Variants in CDK9 observed in about 807,000 individuals in gnomAD.
CDK9 encodes the protein cyclin dependent kinase 9, also known as cyclin-dependent kinase 9.
CDK9 carries 34 observed loss-of-function variants against 39.0 expected under a neutral mutation model. The ratio of observed to expected loss-of-function variants is 0.87; its 90% confidence interval spans 0.66 to 1.16. The LOEUF (loss-of-function observed/expected upper bound fraction) is 1.16. Among genes scored for constraint, CDK9 ranks in the 50% most tolerant of loss-of-function variants. CDK9 has a pLI of 0.00. For synonymous variants in CDK9, 233 were observed against 196.2 expected (o/e 1.19, Z -1.57); for missense variants, 369 against 503.2 (o/e 0.73, Z 2.55).
At chr9:127,788,179 T>G (rs755776114) in intron 4 of CDK9, 35 bp from the exon 5 acceptor site, 1 of 1,613,390 alleles carries the variant, frequency 6.2e-7, no homozygotes, top group Non-Finnish European at 8.5e-7. Context: ...CCCGGGTGGA[T>G]GTCACTAAAG....
Position 127,786,066 on chromosome 9 carries a change from C to T in CDK9, c.-83C>T, listed in dbSNP as rs1307281705. The stretch of plus-strand genomic sequence containing the variant: ...CGGAAGTGGCGCGGCCGCGGAGGGG[C>T]CTGGAGTGCGGCGGCGGCGGGACCC... On this transcript the variant is annotated 5_prime_UTR_variant, in exon 1 of 7. Coordinates refer to ENST00000373264, the MANE Select transcript of CDK9 (RefSeq NM_001261.4). 2 of 1,009,308 alleles carry T rather than the reference C, an allele frequency of 2.0e-6. No homozygotes were observed. The highest frequency in any genetic ancestry group is 2.9e-6 in the Non-Finnish European group (2 of 695,694). The allele number at this position is 1,009,308 out of a possible 1,614,324, so 62.5% of individuals were successfully genotyped here. A position where few individuals can be genotyped will look rare whatever the true frequency, so the allele number is the denominator to read the frequency against.
rs1554803504 is a variant in CDK9 at position 127,788,425 on chromosome 9, G to T, written c.604+40G>T. 3.8e-6 allele frequency: 6 copies of T among 1,586,404 alleles called. No homozygotes were observed. In the Admixed American group the frequency reaches 8.9e-5, roughly 24 times the overall value. On this transcript the variant is annotated intron_variant, in intron 5 of 6. Transcript: ENST00000373264. The stretch of plus-strand genomic sequence containing the variant: ...GCGGGCCAAGGGGGGTGAGGGCCAG[G>T]CATCTACCTGGCCCCTTCCCCCCAA...
At position 127,788,429 on chromosome 9, in the gene CDK9, C is replaced by CT. The variant is rs1564433188; in HGVS notation, c.604+45dup. On this transcript the variant is annotated intron_variant, in intron 5 of 6. Coordinates refer to ENST00000373264, the MANE Select transcript of CDK9 (RefSeq NM_001261.4). ...GCCAAGGGGGGTGAGGGCCAGGCAT[C>CT]TACCTGGCCCCTTCCCCCCAACTGC... is the stretch of plus-strand genomic sequence containing the variant. The CT allele has an allele frequency of 3.8e-6, 6 of 1,574,246 alleles. No homozygotes were observed. In the South Asian group the frequency reaches 6.8e-5, roughly 18 times the overall value.
Position 127,788,565 on chromosome 9 carries a change from C to A in CDK9, c.626C>A (p.Pro209His). The A allele has an allele frequency of 6.4e-7, 1 of 1,574,536 alleles. No homozygotes were observed. Among genetic ancestry groups the A allele is most frequent in the Non-Finnish European group, 8.6e-7 (1 of 1,160,426 alleles). The change falls in exon 6 of 7, where the codon CCC (proline) becomes CAC (histidine). Residue 209 changes from proline to histidine, a missense_variant. Pro to His is a moderately conservative substitution (Grantham distance 77, BLOSUM62 -2). Transcript: ENST00000373264. ...CCAGGGGAGCGGGACTACGGCCCCC[C>A]CATTGACCTGTGGGGTGCTGGGTGC... ...LLLGERDYGP[P>H]IDLWGAGCIM...
At chr9:127,787,684 C>T (rs746979746) in intron 3 of CDK9, 76 bp downstream of exon 3, 59 of 1,098,010 alleles carry the variant, frequency 5.4e-5, no homozygotes, top group Non-Finnish European at 7.4e-5. Flanking sequence ...ACTAGGCACA[C>T]CTAAACTGCC....
At position 127,788,529 on chromosome 9, in the gene CDK9, C is replaced by A; in HGVS notation, c.605-15C>A. On this transcript the variant is annotated splice_polypyrimidine_tract_variant and intron_variant, in intron 5 of 6. Transcript: ENST00000373264. ...TCGGGCTCAAGGGGCCCTCCTGGTGCGCTCTTCTTCCCAGGGGAGCGGGAC... is the reference window on the plus strand; with the variant it reads ...TCGGGCTCAAGGGGCCCTCCTGGTGAGCTCTTCTTCCCAGGGGAGCGGGAC... 6.4e-7 allele frequency: 1 copy of A among 1,550,458 alleles called. No individual in the cohort carries two copies. Among genetic ancestry groups the A allele is most frequent in the South Asian group, 1.2e-5 (1 of 83,960 alleles).
At position 127,789,031 on chromosome 9, in the gene CDK9, C is replaced by A; in HGVS notation, c.754-147C>A. On this transcript the variant is annotated intron_variant, in intron 6 of 6. Transcript: ENST00000373264. This position sits in a 1 kb window ranked among gnomAD's most constrained non-coding sequence, Gnocchi z 5.2. ...GCACGTGGTATGTGCCAATCCATAGCGGGCACTGCTTCTGGGAGGGGTCGA... is the reference window on the plus strand; with the variant it reads ...GCACGTGGTATGTGCCAATCCATAGAGGGCACTGCTTCTGGGAGGGGTCGA... 2 of 1,029,748 alleles carry A rather than the reference C, an allele frequency of 1.9e-6. No homozygotes were observed. Among genetic ancestry groups the A allele is most frequent in the Non-Finnish European group, 2.8e-6 (2 of 719,264 alleles). The allele number at this position is 1,029,748 out of a possible 1,614,324, so 63.8% of individuals were successfully genotyped here.
chr9:127,789,030 G>C lies in CDK9; in HGVS notation c.754-148G>C. 1 of 1,028,000 alleles carries C rather than the reference G, an allele frequency of 9.7e-7. No individual in the cohort carries two copies. Among genetic ancestry groups the C allele is most frequent in the African/African-American group, 1.6e-5 (1 of 62,162 alleles). The allele number at this position is 1,028,000 out of a possible 1,614,324, so 63.7% of individuals were successfully genotyped here. ...GGCACGTGGTATGTGCCAATCCATA[G>C]CGGGCACTGCTTCTGGGAGGGGTCG... On this transcript the variant is annotated intron_variant, in intron 6 of 6. Coordinates refer to ENST00000373264, the MANE Select transcript of CDK9 (RefSeq NM_001261.4). This position sits in a 1 kb window ranked among gnomAD's most constrained non-coding sequence, Gnocchi z 5.2.
chr9:127,790,351 G>A lies in CDK9; in HGVS notation c.*808G>A, dbSNP rs1190983473. 3 of 152,308 alleles carry A rather than the reference G, an allele frequency of 2.0e-5. No individual in the cohort carries two copies. The highest frequency in any genetic ancestry group is 4.4e-5 in the Non-Finnish European group (3 of 68,142). The allele number at this position is 152,308 out of a possible 1,614,324, so 9.4% of individuals were successfully genotyped here. A position where few individuals can be genotyped will look rare whatever the true frequency, so the allele number is the denominator to read the frequency against. The stretch of plus-strand genomic sequence containing the variant: ...GGGCCTGCTGTGAGCTGCTGTGGCT[G>A]CGATGGTCACCCAGCTGGGCAAATC... On this transcript the variant is annotated 3_prime_UTR_variant, in exon 7 of 7. Coordinates refer to ENST00000373264, the MANE Select transcript of CDK9 (RefSeq NM_001261.4).
Position 127,788,390 on chromosome 9 carries a change from G to A in CDK9, c.604+5G>A. The A allele has an allele frequency of 6.2e-7, 1 of 1,610,662 alleles. No individual in the cohort carries two copies. Among genetic ancestry groups the A allele is most frequent in the Non-Finnish European group, 8.5e-7 (1 of 1,179,232 alleles). On this transcript the variant is annotated splice_donor_5th_base_variant and intron_variant, in intron 5 of 6. Coordinates refer to ENST00000373264, the MANE Select transcript of CDK9 (RefSeq NM_001261.4). ...GGCCCCCGGAGCTGTTGCTCGGTGA[G>A]GACTCCCGAGCGGGCCAAGGGGGGT...
Position 127,786,081 on chromosome 9 carries a change from C to G in CDK9, c.-68C>G, listed in dbSNP as rs773403021. The G allele has an allele frequency of 1.6e-6, 2 of 1,230,438 alleles. No individual in the cohort carries two copies. The highest frequency in any genetic ancestry group is 1.6e-5 in the African/African-American group (1 of 62,304). The allele number at this position is 1,230,438 out of a possible 1,614,324, so 76.2% of individuals were successfully genotyped here. ...CGCGGAGGGGCCTGGAGTGCGGCGG[C>G]GGCGGGACCCGGAGCAGGAGCGGCG... On this transcript the variant is annotated 5_prime_UTR_variant, in exon 1 of 7. Coordinates refer to ENST00000373264, the MANE Select transcript of CDK9 (RefSeq NM_001261.4).
In CDK9 at chr9:127,789,031, C is replaced by T. The variant is rs1829382582; in HGVS notation, c.754-147C>T. On this transcript the variant is annotated intron_variant, in intron 6 of 6. Transcript: ENST00000373264. The surrounding 1 kb of genome is among the most constrained non-coding windows in gnomAD (Gnocchi z 5.2). ...GCACGTGGTATGTGCCAATCCATAG[C>T]GGGCACTGCTTCTGGGAGGGGTCGA... 1.5e-5 allele frequency: 15 copies of T among 1,029,634 alleles called. No homozygotes were observed. Among genetic ancestry groups the T allele is most frequent in the Admixed American group, 5.3e-5 (2 of 38,036 alleles). 63.8% of individuals were successfully genotyped at this position (1,029,634 alleles called of 1,614,324 possible). A position where few individuals can be genotyped will look rare whatever the true frequency, so the allele number is the denominator to read the frequency against.
chr9:127,789,299 T>C lies in CDK9; in HGVS notation c.875T>C (p.Ile292Thr), dbSNP rs1829387732. Residue 292 changes from isoleucine to threonine, a missense_variant, in exon 7 of 7, where the codon ATC becomes ACC. Transcript: ENST00000373264. This position sits in a 1 kb window ranked among gnomAD's most constrained non-coding sequence, Gnocchi z 5.2. ...CGTGACCCATACGCACTGGACCTCA[T>C]CGACAAGCTGCTGGTGCTGGACCCT... ...YVRDPYALDL[I>T]DKLLVLDPAQ... The C allele has an allele frequency of 1.9e-6, 3 of 1,613,820 alleles. No individual in the cohort carries two copies. In the African/African-American group the frequency reaches 4.0e-5, roughly 22 times the overall value.
intron 2 of CDK9, 25 bp downstream of exon 2, chr9:127,786,807 C>T (rs1307805819): frequency 6.2e-7 from 1 of 1,606,338 alleles, no homozygotes; most frequent in African/African-American, 1.3e-5. Context: ...GGCGTGCGGG[C>T]CGGCCGGCTA....
rs773045544 is a variant in CDK9 at position 127,787,509 on chromosome 9, C to T, written c.175-9C>T. On this transcript the variant is annotated splice_polypyrimidine_tract_variant and intron_variant, in intron 2 of 6. Transcript: ENST00000373264. Reference sequence around the variant, plus strand: ...CACTCTTGACCACTTTCCCCTCTTTCTCACCCAGTTCCCCATTACAGCCTT... The same window carrying T: ...CACTCTTGACCACTTTCCCCTCTTTTTCACCCAGTTCCCCATTACAGCCTT... 1.2e-5 allele frequency: 20 copies of T among 1,605,058 alleles called. No homozygotes were observed. The highest frequency in any genetic ancestry group is 1.6e-5 in the Non-Finnish European group (19 of 1,171,938).
chr9:127,787,624 C>T lies in CDK9; in HGVS notation c.265+16C>T. 1 of 1,573,132 alleles carries T rather than the reference C, an allele frequency of 6.4e-7. No individual in the cohort carries two copies. The highest frequency in any genetic ancestry group is 8.8e-7 in the Non-Finnish European group (1 of 1,142,668). On this transcript the variant is annotated intron_variant, in intron 3 of 6. Transcript: ENST00000373264. ...CGAACCAAAGGTAAGTTATTTGGTT[C>T]TTACGAGAAGATGACACTTGTAGCC... is the stretch of plus-strand genomic sequence containing the variant.
At position 127,789,130 on chromosome 9, in the gene CDK9, C is replaced by T. The variant is rs752912301; in HGVS notation, c.754-48C>T. 2.8e-5 allele frequency: 42 copies of T among 1,519,750 alleles called. 1 individual carries two copies. The highest frequency in any genetic ancestry group is 2.4e-4 in the South Asian group (18 of 76,476). The allele number at this position is 1,519,750 out of a possible 1,614,324, so 94.1% of individuals were successfully genotyped here. On this transcript the variant is annotated intron_variant, in intron 6 of 6. Coordinates refer to ENST00000373264, the MANE Select transcript of CDK9 (RefSeq NM_001261.4). The surrounding 1 kb of genome is among the most constrained non-coding windows in gnomAD (Gnocchi z 5.2). ...GGCCTTTATGAAGGGATAAGCCACGCACCTCCTGACCGGACTCCATATTCT... is the reference window on the plus strand; with the variant it reads ...GGCCTTTATGAAGGGATAAGCCACGTACCTCCTGACCGGACTCCATATTCT...
In CDK9 at chr9:127,786,062, G is replaced by A; in HGVS notation, c.-87G>A. 1 of 843,096 alleles carries A rather than the reference G, an allele frequency of 1.2e-6. No individual in the cohort carries two copies. Among genetic ancestry groups the A allele is most frequent in the Non-Finnish European group, 1.7e-6 (1 of 598,288 alleles). The allele number at this position is 843,096 out of a possible 1,614,324, so 52.2% of individuals were successfully genotyped here. A position where few individuals can be genotyped will look rare whatever the true frequency, so the allele number is the denominator to read the frequency against. On this transcript the variant is annotated 5_prime_UTR_variant, in exon 1 of 7. Coordinates refer to ENST00000373264, the MANE Select transcript of CDK9 (RefSeq NM_001261.4). ...GAGGCGGAAGTGGCGCGGCCGCGGA[G>A]GGGCCTGGAGTGCGGCGGCGGCGGG... is the stretch of plus-strand genomic sequence containing the variant.
chr9:127,788,787 G>A (rs886693699), intron 6 of CDK9, 95 bp downstream of exon 6: 3 of 1,317,378 alleles, frequency 2.3e-6, no homozygotes, highest in Admixed American at 2.9e-5. Flanking sequence ...CTCTCTGGAA[G>A]GGAGGCTGGT....
Sources: allele counts gnomAD v4.1 joint callset, GRCh38; gene constraint gnomAD v4.1.1; non-coding constraint Gnocchi (gnomAD v3.1); transcripts MANE v1.5; gene names NCBI Gene and HGNC (gene_info 2026-07-23, HGNC 2026-07-21).